USP34: variants seen among roughly 807,000 people sequenced by gnomAD.
The protein encoded by USP34 is ubiquitin specific peptidase 34, also known as ubiquitin carboxyl-terminal hydrolase 34.
USP34 carries 70 observed loss-of-function variants against 460.3 expected under a neutral mutation model. The ratio of observed to expected loss-of-function variants is 0.15; its 90% confidence interval spans 0.13 to 0.19. The LOEUF (loss-of-function observed/expected upper bound fraction) is 0.19, where lower values mean the gene tolerates loss of function less well. Among genes scored for constraint, USP34 ranks in the 10% least tolerant of loss-of-function variants. The pLI is 1.00. For missense variants in USP34, 3,985 were observed against 4,236.2 expected (o/e 0.94, Z 1.65); for synonymous variants, 1,647 against 1,405.3 (o/e 1.17, Z -3.85).
chr2:61,441,294 C>T (rs969939221), intron 1 of USP34, among the ~76,000 whole-genome samples: 11 of 152,030 alleles, frequency 7.2e-5, no homozygotes, highest in Non-Finnish European at 1.6e-4. Flanking sequence ...GGTCCCACCA[C>T]ACCCAGGCTC....
intron 25 of USP34, among the ~76,000 whole-genome samples, chr2:61,313,639 T>A (rs186285497): frequency 1.3e-5 from 2 of 152,116 alleles, no homozygotes; most frequent in African/African-American, 4.8e-5. Flanking sequence ...GTTAAAGTTA[T>A]AAGGCAGTAA....
At position 61,234,120 on chromosome 2, in the gene USP34, C is replaced by A. The variant is rs539432498; in HGVS notation, c.7033-1588G>T. ...CTTATTATCCCTTTCTACTTTTGTC[C>A]ATGTTTCCAAATTCTCATTACAAAA... On this transcript the variant is annotated intron_variant, in intron 57 of 79. Transcript: ENST00000398571. Among the ~76,000 whole-genome samples, 15 of 152,206 alleles carry A rather than the reference C, an allele frequency of 9.9e-5. No homozygotes were observed. In the South Asian group the frequency reaches 1.7e-3, roughly 17 times the overall value.
chr2:61,333,920 C>A lies in USP34; in HGVS notation c.2796G>T (p.Gln932His). Residue 932 changes from glutamine to histidine, a missense_variant, in exon 19 of 80, where the codon CAG (glutamine) becomes CAT (histidine). By Grantham distance (24) the Gln-to-His change is conservative. Transcript: ENST00000398571. ...RLLPKLFGTF[Q>H]QFGSSYDTHW... ...GTGTATCGTAACTGCTCCCAAACTGCTGAAAAGTACCAAATAGTTTTGGAA... is the reference window on the plus strand; with the variant it reads ...GTGTATCGTAACTGCTCCCAAACTGATGAAAAGTACCAAATAGTTTTGGAA... The A allele has an allele frequency of 6.3e-7, 1 of 1,594,622 alleles. No homozygotes were observed. Among genetic ancestry groups the A allele is most frequent in the Admixed American group, 1.7e-5 (1 of 58,254 alleles).
intron 10 of USP34, among the ~76,000 whole-genome samples, chr2:61,355,158 G>C (rs1177890155): frequency 6.6e-6 from 1 of 152,118 alleles, no homozygotes; most frequent in Non-Finnish European, 1.5e-5. Context: ...AAAAGTTCTG[G>C]GGAATAATGG....
At chr2:61,208,833 A>C in intron 70 of USP34, 66 bp downstream of exon 70, 2 of 1,214,554 alleles carry the variant, frequency 1.6e-6, no homozygotes, top group Non-Finnish European at 2.3e-6. Context: ...AATGTCTATA[A>C]AGTAAGTCTT....
intron 58 of USP34, among the ~76,000 whole-genome samples, chr2:61,230,856 A>C (rs1056363768): frequency 6.6e-6 from 1 of 150,858 alleles, no homozygotes; most frequent in Non-Finnish European, 1.5e-5. Flanking sequence ...AAAAAAAAAA[A>C]AACAAAACAC....
intron 6 of USP34, among the ~76,000 whole-genome samples, chr2:61,381,285 C>CACACACAA (rs142410091): frequency 6.7e-6 from 1 of 148,282 alleles, no homozygotes; most frequent in East Asian, 1.9e-4. Context: ...CACACACACA[C>CACACACAA]AAAACTACCT....
At chr2:61,468,316 T>C (rs1466561223) in intron 1 of USP34, among the ~76,000 whole-genome samples, 2 of 152,226 alleles carry the variant, frequency 1.3e-5, no homozygotes, top group Non-Finnish European at 2.9e-5. Context: ...CCCCAGTAGC[T>C]GGGATTACAA....
intron 70 of USP34, chr2:61,208,165 A>G (rs1687171939): frequency 6.6e-6 from 1 of 152,162 alleles, no homozygotes; most frequent in Non-Finnish European, 1.5e-5. Flanking sequence ...GGCCTCTCAT[A>G]CTATTCAAAG....
intron 3 of USP34, among the ~76,000 whole-genome samples, chr2:61,401,654 T>C (rs1693724036): frequency 6.8e-6 from 1 of 147,358 alleles, no homozygotes; most frequent in African/African-American, 2.5e-5. Flanking sequence ...GTTCATGCCA[T>C]TCTCCTTCCT....
intron 27 of USP34, among the ~76,000 whole-genome samples, chr2:61,303,606 T>C (rs1234319101): frequency 6.6e-6 from 1 of 152,060 alleles, no homozygotes; most frequent in African/African-American, 2.4e-5. Flanking sequence ...TTAAACTTTT[T>C]TTTTTTTTGA....
At chr2:61,273,883 T>C (rs1477098782) in intron 41 of USP34, among the ~76,000 whole-genome samples, 2 of 152,118 alleles carry the variant, frequency 1.3e-5, no homozygotes. Flanking sequence ...AAAAAATAAA[T>C]TAGTTAATTA....
At chr2:61,259,828 T>C (rs1268941304) in intron 43 of USP34, 52 bp from the exon 44 acceptor site, 1 of 1,553,580 alleles carries the variant, frequency 6.4e-7, no homozygotes, top group Non-Finnish European at 8.8e-7. Context: ...TGGTAGTAAA[T>C]TAGGCATTCT....
At chr2:61,380,041 T>C (rs1168189686) in intron 7 of USP34, 128 bp downstream of exon 7, 8 of 702,226 alleles carry the variant, frequency 1.1e-5, no homozygotes, top group African/African-American at 1.1e-4. Flanking sequence ...GTGAAGACCA[T>C]ATAAAGTAAT....
chr2:61,215,375 A>G (rs1687367666), intron 67 of USP34, among the ~76,000 whole-genome samples: 1 of 152,224 alleles, frequency 6.6e-6, no homozygotes, highest in South Asian at 2.1e-4. Context: ...GTCCTATTTG[A>G]TTACATATAT....
At chr2:61,220,569 T>C (rs1383442814) in intron 66 of USP34, 112 bp from the exon 67 acceptor site, 1 of 1,045,646 alleles carries the variant, frequency 9.6e-7, no homozygotes, top group Non-Finnish European at 1.3e-6. Context: ...TTTTGACAAT[T>C]AGAGATTAAA....
chr2:61,301,176 A>T lies in USP34; in HGVS notation c.3919-16T>A. 6.3e-7 allele frequency: 1 copy of T among 1,580,102 alleles called. No homozygotes were observed. Among genetic ancestry groups the T allele is most frequent in the Non-Finnish European group, 8.6e-7 (1 of 1,167,596 alleles). On this transcript the variant is annotated splice_polypyrimidine_tract_variant and intron_variant, in intron 28 of 79. Coordinates refer to ENST00000398571, the MANE Select transcript of USP34 (RefSeq NM_014709.4). ...CAAATACCATCTATAAAAAACAGGA[A>T]AAAAAATTTATGCATATCAAGCTTT...
chr2:61,409,030 A>C (rs1307683053), intron 2 of USP34, among the ~76,000 whole-genome samples: 2 of 151,766 alleles, frequency 1.3e-5, no homozygotes, highest in African/African-American at 2.4e-5. Flanking sequence ...GACCAGCCTG[A>C]CCAATACAGC....
At chr2:61,454,858 G>GTTTTTTTTTTTTTTTTTTTTTTTTTTTT (rs1411733369) in intron 1 of USP34, among the ~76,000 whole-genome samples, 1 of 102,076 alleles carries the variant, frequency 9.8e-6, no homozygotes, top group African/African-American at 3.9e-5. Context: ...AATATAGTGG[G>GTTTTTTTTTTTTTTTTTTTTTTTTTTTT]GTTTTTTTTT....
Sources: allele counts gnomAD v4.1 joint callset (sites outside exome capture counted in the v4.1 genomes callset), GRCh38; gene constraint gnomAD v4.1.1; transcripts MANE v1.5; gene names NCBI Gene and HGNC (gene_info 2026-07-23, HGNC 2026-07-21).